WDR72: variants seen among roughly 807,000 people sequenced by gnomAD.
WDR72 encodes the protein WD repeat domain 72, also known as WD repeat-containing protein 72.
A neutral mutation model predicts 124.2 loss-of-function variants in WDR72; 120 were observed. The ratio of observed to expected loss-of-function variants is 0.97; its 90% CI spans 0.83 to 1.12. The LOEUF is 1.12. Ranked by LOEUF, WDR72 falls within the 50% of genes most tolerant of loss-of-function variation. The pLI is 0.00. For missense variants in WDR72, 1,387 were observed against 1,278.8 expected, an observed-to-expected ratio of 1.08 and a Z score of -1.29; for synonymous variants, 452 against 441.7, an observed-to-expected ratio of 1.02 and a Z score of -0.29.
chr15:53,588,587 A>C (rs987699970), intron 18 of WDR72, among the ~76,000 whole-genome samples: 1 of 151,954 alleles, frequency 6.6e-6, no homozygotes, highest in African/African-American at 2.4e-5. Flanking sequence ...TCTGATGGGA[A>C]TGGGATATTC....
chr15:53,655,139 G>A (rs2140433762), intron 14 of WDR72, among the ~76,000 whole-genome samples: 1 of 144,592 alleles, frequency 6.9e-6, no homozygotes, highest in South Asian at 2.3e-4. Flanking sequence ...ACTGAGGCAG[G>A]AGAATCGCTG....
intron 14 of WDR72, among the ~76,000 whole-genome samples, chr15:53,619,264 T>TTGTGTG (rs3081256): frequency 0.042 from 6,206 of 147,452 alleles, 164 homozygotes; most frequent in African/African-American, 0.076. Context: ...TGCTTTATAA[T>TTGTGTG]TGTGTGTGTG....
At chr15:53,681,610 A>G (rs1386479356) in intron 13 of WDR72, among the ~76,000 whole-genome samples, 5 of 152,212 alleles carry the variant, frequency 3.3e-5, no homozygotes, top group African/African-American at 1.2e-4. Context: ...GCCAAAGGAA[A>G]CAATAAAGGC....
chr15:53,588,888 C>A lies in WDR72; in HGVS notation c.3148+8191G>T, dbSNP rs575181412. 1.6e-4 allele frequency among the ~76,000 whole-genome samples: 25 copies of A among 151,958 alleles called. 2 individuals are homozygous for A. Among genetic ancestry groups the A allele is most frequent in the African/African-American group, 6.0e-4 (25 of 41,482 alleles). On this transcript the variant is annotated intron_variant, in intron 18 of 19. Coordinates refer to ENST00000360509, the MANE Select transcript of WDR72 (RefSeq NM_182758.4). ...AGGCTGACCCAAGCCAGCCATGTTG[C>A]AAAGAGGGCTCTGTGTCAGCAGCAT...
chr15:53,619,572 A>C (rs2013905408), intron 14 of WDR72, among the ~76,000 whole-genome samples: 1 of 151,960 alleles, frequency 6.6e-6, no homozygotes, highest in Admixed American at 6.6e-5. Context: ...TGTGAAAAAT[A>C]TTGCTCATCT....
At chr15:53,676,924 CTTT>C (rs544909977) in intron 13 of WDR72, among the ~76,000 whole-genome samples, 16 of 135,544 alleles carry the variant, frequency 1.2e-4, no homozygotes, top group African/African-American at 1.6e-4. Context: ...GAAATTCTTG[CTTT>C]TTTTTTTTTT....
At chr15:53,576,515 G>C (rs983426435) in intron 18 of WDR72, among the ~76,000 whole-genome samples, 1 of 152,058 alleles carries the variant, frequency 6.6e-6, no homozygotes, top group African/African-American at 2.4e-5. Flanking sequence ...ATTCCTTTTT[G>C]TATGCATGGT....
At chr15:53,675,563 G>A (rs760466589) in intron 13 of WDR72, among the ~76,000 whole-genome samples, 30 of 151,936 alleles carry the variant, frequency 2.0e-4, no homozygotes, top group Admixed American at 3.9e-4. Flanking sequence ...TCATCACGTC[G>A]CATTATTTAA....
At chr15:53,641,473 A>G (rs770764450) in intron 14 of WDR72, among the ~76,000 whole-genome samples, 4 of 152,024 alleles carry the variant, frequency 2.6e-5, no homozygotes, top group South Asian at 2.1e-4. Context: ...CTCAATTCAC[A>G]TATTTGTTTT....
chr15:53,638,589 T>C (rs1174742020), intron 14 of WDR72, among the ~76,000 whole-genome samples: 1 of 151,632 alleles, frequency 6.6e-6, no homozygotes, highest in Admixed American at 6.6e-5. Context: ...TCTTTTTTTT[T>C]TTTTTTTTTT....
chr15:53,698,970 A>G (rs1221956505), intron 13 of WDR72, among the ~76,000 whole-genome samples: 1 of 152,214 alleles, frequency 6.6e-6, no homozygotes, highest in Non-Finnish European at 1.5e-5. Flanking sequence ...TACACATGAC[A>G]GTAAAATGCA....
chr15:53,576,867 T>C (rs1258241213), intron 18 of WDR72, among the ~76,000 whole-genome samples: 1 of 152,192 alleles, frequency 6.6e-6, no homozygotes, highest in East Asian at 1.9e-4. Context: ...AAGTCAGATA[T>C]CCAGAATATT....
chr15:53,621,874 T>A (rs2014009006), intron 14 of WDR72, among the ~76,000 whole-genome samples: 1 of 152,152 alleles, frequency 6.6e-6, no homozygotes, highest in Non-Finnish European at 1.5e-5. Flanking sequence ...AATCTATGCA[T>A]CTGACAAAGC....
intron 13 of WDR72, among the ~76,000 whole-genome samples, chr15:53,683,898 C>A (rs1489989577): frequency 2.0e-5 from 3 of 152,098 alleles, no homozygotes; most frequent in African/African-American, 7.2e-5. Context: ...TTCAAAATCT[C>A]TTAGACTAAC....
chr15:53,736,908 G>C (rs1357505711), intron 1 of WDR72, among the ~76,000 whole-genome samples: 1 of 151,926 alleles, frequency 6.6e-6, no homozygotes, highest in East Asian at 1.9e-4. Flanking sequence ...GAAAAAAAGA[G>C]TTAGAAATAT....
chr15:53,540,412 C>T (rs1261705268), intron 18 of WDR72, among the ~76,000 whole-genome samples: 1 of 152,098 alleles, frequency 6.6e-6, no homozygotes, highest in Non-Finnish European at 1.5e-5. Flanking sequence ...CTTCTCTGAT[C>T]ACAACGCAAT....
intron 13 of WDR72, among the ~76,000 whole-genome samples, chr15:53,685,985 A>G (rs2016606726): frequency 1.4e-5 from 2 of 148,088 alleles, no homozygotes; most frequent in Admixed American, 1.3e-4. Flanking sequence ...AGGAGAAATA[A>G]AATACTTTAC....
At chr15:53,532,228 G>C (rs1407317832) in intron 18 of WDR72, among the ~76,000 whole-genome samples, 2 of 152,104 alleles carry the variant, frequency 1.3e-5, no homozygotes, top group African/African-American at 4.8e-5. Context: ...ATGGAGAACA[G>C]TATGGAGGTT....
chr15:53,733,125 C>T lies in WDR72; in HGVS notation c.25G>A (p.Ala9Thr), dbSNP rs769375691. The change falls in exon 2 of 20, where the codon GCA becomes ACA. Residue 9 changes from alanine to threonine, a missense_variant. Ala to Thr is a moderately conservative substitution (Grantham distance 58). Transcript: ENST00000360509. Reference protein sequence around the residue: MRTSLQAVALWGQKAPPHS... With the variant: MRTSLQAVTLWGQKAPPHS... ...GGAGGGGCCTTCTGTCCCCAGAGTGCCACTGCCTGCAGGGAAGTCCTCATT... is the reference window on the plus strand; with the variant it reads ...GGAGGGGCCTTCTGTCCCCAGAGTGTCACTGCCTGCAGGGAAGTCCTCATT... 5 of 1,613,884 alleles carry T rather than the reference C, an allele frequency of 3.1e-6. No homozygotes were observed. The highest frequency in any genetic ancestry group is 4.2e-6 in the Non-Finnish European group (5 of 1,179,956).
Sources: gnomAD v4.1 joint callset for allele counts (sites outside exome capture counted in the v4.1 genomes callset) on GRCh38, gnomAD v4.1.1 for gene constraint, MANE v1.5 for transcripts, NCBI Gene and HGNC (gene_info 2026-07-23, HGNC 2026-07-21) for gene names.